SERINC5: variants seen among roughly 807,000 people sequenced by gnomAD.
The protein encoded by SERINC5 is serine incorporator 5, also known as chromosome 5 open reading frame 12.
Under a neutral mutation model 63.1 loss-of-function variants are expected in SERINC5, and 41 were observed. That is an observed-to-expected ratio of 0.65 (90% confidence interval 0.51 to 0.84). SERINC5 has a LOEUF of 0.84. SERINC5 is among the 40% of genes least tolerant of loss of function. SERINC5 has a pLI of 0.00. For missense variants in SERINC5, 523 were observed against 573.0 expected (o/e 0.91, Z 0.89); for synonymous variants, 222 against 215.2 (o/e 1.03, Z -0.28).
At chr5:80,227,727 C>T (rs911936533) in intron 1 of SERINC5, among the ~76,000 whole-genome samples, 11 of 151,978 alleles carry the variant, frequency 7.2e-5, no homozygotes, top group Admixed American at 2.6e-4. Flanking sequence ...CGAACACCTG[C>T]GGTCCCAGCT....
intron 1 of SERINC5, among the ~76,000 whole-genome samples, chr5:80,241,176 A>T (rs1480018324): frequency 6.6e-6 from 1 of 152,108 alleles, no homozygotes; most frequent in East Asian, 1.9e-4. Context: ...CATCTTAAGA[A>T]ATAAAAAGGC....
chr5:80,160,925 T>C (rs1746840616), intron 7 of SERINC5, among the ~76,000 whole-genome samples: 1 of 148,022 alleles, frequency 6.8e-6, no homozygotes, highest in Admixed American at 6.9e-5. Flanking sequence ...TATATATGTG[T>C]GTGTGTGTGT....
At chr5:80,238,071 T>G (rs1243204974) in intron 1 of SERINC5, among the ~76,000 whole-genome samples, 1 of 126,772 alleles carries the variant, frequency 7.9e-6, no homozygotes, top group African/African-American at 3.1e-5. Context: ...ACCACTGCAC[T>G]CCAGCCTGGG....
intron 7 of SERINC5, among the ~76,000 whole-genome samples, chr5:80,165,501 ATAAG>A (rs1443153069): frequency 1.3e-5 from 2 of 152,264 alleles, no homozygotes; most frequent in African/African-American, 4.8e-5. Context: ...TATACATCAC[ATAAG>A]TAATAGAGAG....
At chr5:80,237,560 C>G (rs1445336443) in intron 1 of SERINC5, among the ~76,000 whole-genome samples, 1 of 150,996 alleles carries the variant, frequency 6.6e-6, no homozygotes, top group Non-Finnish European at 1.5e-5. Context: ...GTATCGAATT[C>G]TTGGGCTCAA....
intron 1 of SERINC5, among the ~76,000 whole-genome samples, chr5:80,209,315 C>A (rs1750325218): frequency 6.6e-6 from 1 of 152,070 alleles, no homozygotes; most frequent in African/African-American, 2.4e-5. Context: ...CTGGGGTGGT[C>A]CCTAATCCAA....
intron 1 of SERINC5, among the ~76,000 whole-genome samples, chr5:80,244,780 C>A (rs1162592481): frequency 6.6e-6 from 1 of 152,130 alleles, no homozygotes; most frequent in Non-Finnish European, 1.5e-5. Flanking sequence ...TGAGATCGTG[C>A]CATTGCACTC....
chr5:80,173,947 T>C (rs538020445), intron 5 of SERINC5, among the ~76,000 whole-genome samples: 216 of 152,050 alleles, frequency 1.4e-3, no homozygotes, highest in African/African-American at 4.8e-3. Context: ...GAATTGACAC[T>C]GTAAACCACA....
In SERINC5 at chr5:80,227,483, G is replaced by T. The variant is rs528540504; in HGVS notation, c.28-24430C>A. Among the ~76,000 whole-genome samples, 164 of 151,936 alleles carry T rather than the reference G, an allele frequency of 1.1e-3. 2 individuals are homozygous for T. The South Asian group carries it at 0.016, about 15-fold the overall frequency. On this transcript the variant is annotated intron_variant, in intron 1 of 11. Transcript: ENST00000507668. The stretch of plus-strand genomic sequence containing the variant: ...TCATAATAAAACTGTGTTTACAGCC[G>T]GGAGCAGCGGCTCACACCTCTAATC...
At chr5:80,125,955 TGCAAACCTAGACTCACGCTG>T (rs1744732472) in intron 11 of SERINC5, among the ~76,000 whole-genome samples, 1 of 152,206 alleles carries the variant, frequency 6.6e-6, no homozygotes, top group Non-Finnish European at 1.5e-5. Context: ...AAAGCCTTCC[TGCAAACCTAGACTCACGCTG>T]GTTCAGTTCA....
At chr5:80,133,977 G>T (rs915700352), downstream of SERINC5, among the ~76,000 whole-genome samples, 2 of 152,202 alleles carry the variant, frequency 1.3e-5, no homozygotes, top group Admixed American at 1.3e-4. Context: ...TCTGGTTAGG[G>T]ACAGCTGATC....
At chr5:80,246,994 T>C (rs973932776) in intron 1 of SERINC5, among the ~76,000 whole-genome samples, 2 of 152,174 alleles carry the variant, frequency 1.3e-5, no homozygotes, top group Non-Finnish European at 2.9e-5. Context: ...CAAACAGCAA[T>C]ATGTAAAATT....
intron 11 of SERINC5, chr5:80,128,804 C>A (rs1744835286): frequency 6.6e-6 from 1 of 152,160 alleles, no homozygotes; most frequent in African/African-American, 2.4e-5. Context: ...ATTAGAGTTG[C>A]AGACTGGAAC....
At chr5:80,170,080 C>T (rs965472789) in intron 5 of SERINC5, among the ~76,000 whole-genome samples, 4 of 152,020 alleles carry the variant, frequency 2.6e-5, no homozygotes, top group Non-Finnish European at 4.4e-5. Context: ...CCCAGTAAAC[C>T]CTGCTATACA....
At chr5:80,171,533 A>C (rs549625255) in intron 5 of SERINC5, among the ~76,000 whole-genome samples, 1 of 152,286 alleles carries the variant, frequency 6.6e-6, no homozygotes, top group Non-Finnish European at 1.5e-5. Flanking sequence ...TTGACATTAA[A>C]AAAAGTTAAA....
At chr5:80,168,201 CCTTT>C (rs1489267286) in intron 6 of SERINC5, among the ~76,000 whole-genome samples, 2 of 151,478 alleles carry the variant, frequency 1.3e-5, no homozygotes, top group African/African-American at 4.8e-5. Flanking sequence ...TGACTAGTTG[CCTTT>C]TTTTTTTTCG....
chr5:80,118,339 T>G (rs1438974978), intron 11 of SERINC5, among the ~76,000 whole-genome samples: 1 of 152,216 alleles, frequency 6.6e-6, no homozygotes, highest in Non-Finnish European at 1.5e-5. Flanking sequence ...GGGAACCATC[T>G]ATCTTAGACT....
At chr5:80,218,741 G>A (rs929217536) in intron 1 of SERINC5, among the ~76,000 whole-genome samples, 18 of 149,340 alleles carry the variant, frequency 1.2e-4, no homozygotes, top group African/African-American at 3.7e-4. Context: ...GCCCACCCCC[G>A]ACTACCTCCC....
At chr5:80,162,249 G>C (rs377486793) in intron 7 of SERINC5, among the ~76,000 whole-genome samples, 1 of 152,140 alleles carries the variant, frequency 6.6e-6, no homozygotes, top group Non-Finnish European at 1.5e-5. Context: ...TGTGAAAAAT[G>C]TCATTGGTAT....
Sources: allele counts gnomAD v4.1 joint callset (sites outside exome capture counted in the v4.1 genomes callset), GRCh38; gene constraint gnomAD v4.1.1; transcripts MANE v1.5; gene names NCBI Gene and HGNC (gene_info 2026-07-23, HGNC 2026-07-21).